The following TNKS variants were observed in gnomAD, a reference collection of about 807,000 sequenced individuals.
TNKS encodes poly [ADP-ribose] polymerase tankyrase-1.
In TNKS, 72 loss-of-function variants were observed where a neutral mutation model predicts 135.8. The observed-to-expected ratio is 0.53, with a 90% CI of 0.44 to 0.64. The LOEUF is 0.64. TNKS is among the 30% of genes least tolerant of loss of function. TNKS has a pLI of 0.00. For missense variants in TNKS, 1,769 were observed against 1,674.0 expected (o/e 1.06, Z -0.99); for synonymous variants, 849 against 649.3 (o/e 1.31, Z -4.68).
Position 9,584,853 on chromosome 8 carries a change from G to C in TNKS, c.898+4470G>C, listed in dbSNP as rs1008490167. Among the ~76,000 whole-genome samples the C allele has an allele frequency of 5.3e-5, 8 of 152,216 alleles. 1 individual carries two copies. ...CCTCTCATTAGGGAAGAGACAGCTT[G>C]CTGGCGTCCACAGCAAATCATTCTA... On this transcript the variant is annotated intron_variant, in intron 2 of 26. Transcript: ENST00000310430.
intron 3 of TNKS, chr8:9,658,307 G>C: frequency 1.8e-6 from 1 of 543,280 alleles, no homozygotes; most frequent in Non-Finnish European, 2.9e-6. Flanking sequence ...CCTTGCCCTC[G>C]GGCCCCGCGG....
chr8:9,696,551 G>A (rs969170488), intron 5 of TNKS, among the ~76,000 whole-genome samples: 15 of 152,022 alleles, frequency 9.9e-5, no homozygotes, highest in African/African-American at 2.9e-4. Context: ...ATAAAAAACC[G>A]TAAAGACACC....
rs182087329 is a variant in TNKS, at chr8:9,558,532, C to T, written c.673+1920C>T. 1.1e-4 allele frequency: 17 copies of T among 152,070 alleles called. No individual in the cohort carries two copies. In the East Asian group the frequency reaches 1.5e-3, roughly 14 times the overall value. 9.4% of individuals were successfully genotyped at this position (152,070 alleles called of 1,614,324 possible). On this transcript the variant is annotated intron_variant, in intron 1 of 26. Transcript: ENST00000310430. Reference sequence around the variant, plus strand: ...ACAAATCATGTCATTTCTCACCATCCCACTTTATGCGTAATCACCAATAAA... The same window carrying T: ...ACAAATCATGTCATTTCTCACCATCTCACTTTATGCGTAATCACCAATAAA...
intron 18 of TNKS, among the ~76,000 whole-genome samples, chr8:9,751,025 A>G (rs1806497133): frequency 3.3e-5 from 5 of 152,194 alleles, no homozygotes; most frequent in South Asian, 2.1e-4. Context: ...TCTCCATTCT[A>G]TTGGTCAAGA....
intron 26 of TNKS, among the ~76,000 whole-genome samples, chr8:9,775,157 A>AT (rs1019049480): frequency 5.3e-5 from 8 of 152,058 alleles, no homozygotes; most frequent in Non-Finnish European, 1.2e-4. Context: ...GCTTTGCTAG[A>AT]TTTTTTTATA....
intron 3 of TNKS, among the ~76,000 whole-genome samples, chr8:9,657,183 C>A (rs1801420066): frequency 7.2e-6 from 1 of 139,634 alleles, no homozygotes; most frequent in South Asian, 2.4e-4. Context: ...CTCCTCACTT[C>A]CCAGTAGGGG....
At position 9,596,984 on chromosome 8, in the gene TNKS, A is replaced by G. The variant is rs199843745; in HGVS notation, c.898+16601A>G. 9.2e-5 allele frequency among the ~76,000 whole-genome samples: 14 copies of G among 152,374 alleles called. No homozygotes were observed. In the East Asian group the frequency reaches 2.7e-3, roughly 29 times the overall value. ...AGAGGACATTGAATATAGGAGTGGT[A>G]TACGAGGTATTAAGGACAAATATGT... On this transcript the variant is annotated intron_variant, in intron 2 of 26. Coordinates refer to ENST00000310430, the MANE Select transcript of TNKS (RefSeq NM_003747.3).
chr8:9,767,730 C>T lies in TNKS; in HGVS notation c.3740+1305C>T, dbSNP rs137951786. 3.9e-5 allele frequency among the ~76,000 whole-genome samples: 6 copies of T among 152,096 alleles called. No individual in the cohort carries two copies. The East Asian group carries it at 5.8e-4, about 15-fold the overall frequency. ...ATCCCAGCACTTTGGGAGGCCGAGG[C>T]GGGCAGATCATGCCGTCAGGAGATT... On this transcript the variant is annotated intron_variant, in intron 25 of 26. Coordinates refer to ENST00000310430, the MANE Select transcript of TNKS (RefSeq NM_003747.3).
chr8:9,587,397 A>AT (rs71201955), intron 2 of TNKS, among the ~76,000 whole-genome samples: 16,225 of 141,350 alleles, frequency 0.11, 1,221 homozygotes, highest in Admixed American at 0.24. Context: ...CGACACCTTG[A>AT]TTTTTTTTTT....
chr8:9,624,307 A>G (rs1044917232), intron 3 of TNKS, among the ~76,000 whole-genome samples: 1 of 152,256 alleles, frequency 6.6e-6, no homozygotes, highest in Non-Finnish European at 1.5e-5. Context: ...TCTTTAAAAT[A>G]TAATAAATTA....
At chr8:9,572,513 C>G (rs990942782) in intron 1 of TNKS, among the ~76,000 whole-genome samples, 1 of 152,154 alleles carries the variant, frequency 6.6e-6, no homozygotes, top group Non-Finnish European at 1.5e-5. Context: ...CTCTTATTCT[C>G]TTCTGTTTCA....
intron 3 of TNKS, among the ~76,000 whole-genome samples, chr8:9,619,970 C>T (rs920594664): frequency 1.4e-5 from 2 of 146,306 alleles, no homozygotes; most frequent in Admixed American, 6.8e-5. Flanking sequence ...TTTTTTTTTG[C>T]GACGGAGTCT....
chr8:9,733,055 A>G (rs1293355422), intron 14 of TNKS, among the ~76,000 whole-genome samples: 1 of 152,226 alleles, frequency 6.6e-6, no homozygotes, highest in Non-Finnish European at 1.5e-5. Context: ...TCCATCCCCA[A>G]GAAACTTAGG....
chr8:9,645,232 G>A (rs868547500), intron 3 of TNKS, among the ~76,000 whole-genome samples: 5 of 152,044 alleles, frequency 3.3e-5, no homozygotes, highest in African/African-American at 1.2e-4. Context: ...GGAGCAGGGT[G>A]GGGTTTGTAG....
At chr8:9,591,759 T>G (rs191450850) in intron 2 of TNKS, among the ~76,000 whole-genome samples, 1 of 152,336 alleles carries the variant, frequency 6.6e-6, no homozygotes, top group Admixed American at 6.5e-5. Context: ...TTTTTAAGTT[T>G]GGTGAAGTCT....
rs142573223 is a variant in TNKS, at chr8:9,598,055, T to C, written c.899-17527T>C. Among the ~76,000 whole-genome samples, 696 of 152,268 alleles carry C rather than the reference T, an allele frequency of 4.6e-3. 4 individuals carry two copies. Among genetic ancestry groups the C allele is most frequent in the Non-Finnish European group, 6.9e-3 (468 of 68,014 alleles). On this transcript the variant is annotated intron_variant, in intron 2 of 26. Coordinates refer to ENST00000310430, the MANE Select transcript of TNKS (RefSeq NM_003747.3). ...TTTAGATTGAAAGTACAGCAGAATG[T>C]TGGCATTTCAGTCTGTTGAATCAGT... is the stretch of plus-strand genomic sequence containing the variant.
At chr8:9,750,247 C>T (rs1293880846) in intron 18 of TNKS, among the ~76,000 whole-genome samples, 1 of 152,152 alleles carries the variant, frequency 6.6e-6, no homozygotes, top group Non-Finnish European at 1.5e-5. Flanking sequence ...TGACCTTTGG[C>T]CTGAGGCTGT....
At chr8:9,730,852 T>A in intron 13 of TNKS, 38 bp from the exon 14 acceptor site, 1 of 1,587,860 alleles carries the variant, frequency 6.3e-7, no homozygotes, top group South Asian at 1.1e-5. Flanking sequence ...AAGAGTAATG[T>A]TCGTTTTGTG....
chr8:9,616,086 G>T (rs1412783961), intron 3 of TNKS, among the ~76,000 whole-genome samples: 4 of 152,082 alleles, frequency 2.6e-5, no homozygotes, highest in Non-Finnish European at 5.9e-5. Context: ...TGGATCGATA[G>T]TCAAATAAAA....
Sources: gnomAD v4.1 joint callset for allele counts (sites outside exome capture counted in the v4.1 genomes callset) on GRCh38, gnomAD v4.1.1 for gene constraint, MANE v1.5 for transcripts, NCBI Gene and HGNC (gene_info 2026-07-23, HGNC 2026-07-21) for gene names.